Variants in DLGAP2 observed in about 807,000 individuals in gnomAD.
DLGAP2 encodes the protein DLG associated protein 2, also known as disks large-associated protein 2.
In DLGAP2, 26 loss-of-function variants were observed where a neutral mutation model predicts 100.3. The observed-to-expected ratio is 0.26, with a 90% CI of 0.19 to 0.36. The LOEUF (loss-of-function observed/expected upper bound fraction) is 0.36. Ranked by LOEUF, DLGAP2 falls within the 10% of genes least tolerant of loss-of-function variation. The pLI is 1.00. For synonymous variants in DLGAP2, 886 were observed against 630.1 expected, an observed-to-expected ratio of 1.41 and a Z score of -6.08; for missense variants, 1,858 against 1,453.2, an observed-to-expected ratio of 1.28 and a Z score of -4.53.
At chr8:960,252 T>TTTTTTTTTTTTTTTTTTTTTTTC (rs369284313) in intron 2 of DLGAP2, among the ~76,000 whole-genome samples, 14 of 141,926 alleles carry the variant, frequency 9.9e-5, no homozygotes, top group African/African-American at 1.9e-4. Context: ...TTTTTTTTTT[T>TTTTTTTTTTTTTTTTTTTTTTTC]CCCGAGACAC....
intron 1 of DLGAP2, among the ~76,000 whole-genome samples, chr8:801,537 G>T (rs1388101972): frequency 4.6e-5 from 7 of 152,214 alleles, no homozygotes; most frequent in South Asian, 4.1e-4. Context: ...ATGCTGAAAG[G>T]CTGTGCTGCC....
At chr8:789,753 A>T (rs1018384170) in intron 1 of DLGAP2, among the ~76,000 whole-genome samples, 6 of 152,192 alleles carry the variant, frequency 3.9e-5, no homozygotes, top group African/African-American at 1.4e-4. Flanking sequence ...TAAATCAAAC[A>T]CAGGCCCTGC....
chr8:1,383,861 C>G (rs1050754543), intron 3 of DLGAP2, among the ~76,000 whole-genome samples: 3 of 152,180 alleles, frequency 2.0e-5, no homozygotes, highest in African/African-American at 7.2e-5. Flanking sequence ...CTTCACTCTT[C>G]ATGGGTGAGA....
intron 1 of DLGAP2, among the ~76,000 whole-genome samples, chr8:782,969 G>A (rs1171226970): frequency 1.3e-5 from 2 of 152,236 alleles, no homozygotes; most frequent in Non-Finnish European, 2.9e-5. Flanking sequence ...GCTGGATTAG[G>A]ATGGACGGCT....
rs542482242 is a variant in DLGAP2, at chr8:1,258,959, A to G, written c.106+76A>G. 9 of 1,164,942 alleles carry G rather than the reference A, an allele frequency of 7.7e-6. No individual in the cohort carries two copies. In the East Asian group the frequency reaches 2.5e-4, roughly 33 times the overall value. The allele number at this position is 1,164,942 out of a possible 1,614,324, so 72.2% of individuals were successfully genotyped here. On this transcript the variant is annotated intron_variant, in intron 3 of 14. Transcript: ENST00000637795. ...GGTGTGTGGCTGGCAACAGTCTACCATGAAACGTGTTGGAGAGAACCTTGA... is the reference window on the plus strand; with the variant it reads ...GGTGTGTGGCTGGCAACAGTCTACCGTGAAACGTGTTGGAGAGAACCTTGA...
intron 2 of DLGAP2, among the ~76,000 whole-genome samples, chr8:1,203,074 C>T (rs542929997): frequency 6.6e-6 from 1 of 152,174 alleles, no homozygotes; most frequent in African/African-American, 2.4e-5. Context: ...CCGGCTCTCC[C>T]AAATGGGCTG....
chr8:1,280,664 G>A (rs1799797023), intron 3 of DLGAP2, among the ~76,000 whole-genome samples: 1 of 152,218 alleles, frequency 6.6e-6, no homozygotes, highest in Admixed American at 6.5e-5. Context: ...ATGTGAGCAG[G>A]TGCATGGGCC....
rs192958524 is a variant in DLGAP2 at position 1,276,440 on chromosome 8, C to T, written c.106+17557C>T. On this transcript the variant is annotated intron_variant, in intron 3 of 14. Transcript: ENST00000637795. ...CCCACCCGGCTTTGCTGAGTGGGTG[C>T]CGGGGAGGGAAGGGTGAGGGGGGAC... is the stretch of plus-strand genomic sequence containing the variant. Among the ~76,000 whole-genome samples, 265 of 152,130 alleles carry T rather than the reference C, an allele frequency of 1.7e-3. 3 individuals carry two copies. The highest frequency in any genetic ancestry group is 5.8e-3 in the African/African-American group (242 of 41,508).
chr8:1,189,705 T>A (rs1353994847), intron 2 of DLGAP2, among the ~76,000 whole-genome samples: 1 of 150,548 alleles, frequency 6.6e-6, no homozygotes. Context: ...AGTTTACAGT[T>A]TGTAATATGA....
intron 3 of DLGAP2, among the ~76,000 whole-genome samples, chr8:1,311,128 A>T (rs1440198764): frequency 6.6e-6 from 1 of 152,194 alleles, no homozygotes; most frequent in African/African-American, 2.4e-5. Context: ...AATAAAAAGG[A>T]TTTAAGACAA....
At chr8:971,324 C>A in intron 2 of DLGAP2, among the ~76,000 whole-genome samples, 1 of 152,148 alleles carries the variant, frequency 6.6e-6, no homozygotes, top group East Asian at 1.9e-4. Context: ...TGGAAGTCAC[C>A]ACTGTTATCC....
At chr8:1,220,894 C>CT (rs913199081) in intron 2 of DLGAP2, among the ~76,000 whole-genome samples, 10 of 152,030 alleles carry the variant, frequency 6.6e-5, no homozygotes, top group African/African-American at 2.2e-4. Context: ...GGTTTAAAGT[C>CT]TTTTTTTCTG....
chr8:1,272,603 C>A (rs1202977701), intron 3 of DLGAP2, among the ~76,000 whole-genome samples: 1 of 152,122 alleles, frequency 6.6e-6, no homozygotes, highest in Non-Finnish European at 1.5e-5. Context: ...CAAAGCAATG[C>A]AAATGATTTC....
chr8:1,093,364 GAAACACCTTCAC>G (rs1804250344), intron 2 of DLGAP2, among the ~76,000 whole-genome samples: 1 of 144,548 alleles, frequency 6.9e-6, no homozygotes, highest in African/African-American at 2.9e-5. Context: ...CCAACAGCCA[GAAACACCTTCAC>G]ACCAACAGCC....
intron 1 of DLGAP2, among the ~76,000 whole-genome samples, chr8:813,189 G>A (rs1796402901): frequency 6.6e-6 from 1 of 151,656 alleles, no homozygotes; most frequent in African/African-American, 2.4e-5. Flanking sequence ...ATATGGTCAA[G>A]ACAAAAAACC....
At chr8:1,088,162 C>T (rs893401538) in intron 2 of DLGAP2, among the ~76,000 whole-genome samples, 14 of 152,376 alleles carry the variant, frequency 9.2e-5, no homozygotes, top group South Asian at 4.1e-4. Flanking sequence ...ACCTTCCAGA[C>T]GACTTCCCAT....
chr8:1,379,171 G>A (rs779789424), intron 3 of DLGAP2, among the ~76,000 whole-genome samples: 1 of 152,268 alleles, frequency 6.6e-6, no homozygotes, highest in African/African-American at 2.4e-5. Flanking sequence ...TGGCACGTCA[G>A]CCTCACGGGG....
chr8:1,678,652 G>A, intron 12 of DLGAP2, 23 bp downstream of exon 12: 13 of 1,477,132 alleles, frequency 8.8e-6, no homozygotes, highest in Non-Finnish European at 1.2e-5. Context: ...GCTTCCCTAG[G>A]GCCTCTTAAA....
chr8:1,629,701 C>A (rs1004976370), intron 7 of DLGAP2, among the ~76,000 whole-genome samples: 3 of 152,210 alleles, frequency 2.0e-5, no homozygotes, highest in Admixed American at 2.0e-4. Flanking sequence ...TTTAAAAATC[C>A]GATGTAACCC....
Sources: gnomAD v4.1 joint callset for allele counts (sites outside exome capture counted in the v4.1 genomes callset) on GRCh38, gnomAD v4.1.1 for gene constraint, MANE v1.5 for transcripts, NCBI Gene and HGNC (gene_info 2026-07-23, HGNC 2026-07-21) for gene names.